The following GPRC5D variants were observed in gnomAD, a reference collection of about 807,000 sequenced individuals.
The protein encoded by GPRC5D is G protein-coupled receptor class C group 5 member D.
Under a neutral mutation model 29.3 loss-of-function variants are expected in GPRC5D, and 20 were observed. The observed-to-expected ratio is 0.68, with a 90% CI of 0.48 to 0.99. GPRC5D has a LOEUF of 0.99. GPRC5D is among the 50% of genes least tolerant of loss of function. The pLI is 0.00. For synonymous variants in GPRC5D, 178 were observed against 171.3 expected, an observed-to-expected ratio of 1.04 and a Z score of -0.30; for missense variants, 384 against 423.6, an observed-to-expected ratio of 0.91 and a Z score of 0.82.
chr12:12,944,837 CCTTCCT>C (rs1565477299), intron 1 of GPRC5D, among the ~76,000 whole-genome samples: 385 of 20,462 alleles, frequency 0.019, 51 homozygotes, highest in South Asian at 0.041. Context: ...TTCCTTCCTT[CCTTCCT>C]TCCTTCCTTC....
rs1565481040 is a variant in GPRC5D, at chr12:12,950,319, C to T, written c.66G>A (p.Trp22Ter). The T allele has an allele frequency of 6.2e-7, 1 of 1,612,910 alleles. No homozygotes were observed. The highest frequency in any genetic ancestry group is 1.1e-5 in the South Asian group (1 of 91,052). The change falls in exon 1 of 3, where the codon TGG becomes TGA. Residue 22 changes from tryptophan (W) to a stop codon, truncating the protein, a stop_gained. Coordinates refer to ENST00000228887, the Ensembl canonical transcript of GPRC5D. LOFTEE classifies it high-confidence loss of function. ...TGGCCAGGGACTCCAGAATGATGCCCCATGGCCCCTCGGCGTCACAGAGAA... is the reference window on the plus strand; with the variant it reads ...TGGCCAGGGACTCCAGAATGATGCCTCATGGCCCCTCGGCGTCACAGAGAA...
At chr12:12,950,428 C>T (rs1485770547), upstream of GPRC5D, 3 of 1,325,302 alleles carry the variant, frequency 2.3e-6, no homozygotes, top group Admixed American at 2.1e-5. Context: ...TTTTCTGATG[C>T]CCTGCAGAAA....
intron 1 of GPRC5D, chr12:12,948,701 T>C (rs1863414769): frequency 6.6e-6 from 1 of 152,262 alleles, no homozygotes; most frequent in African/African-American, 2.4e-5. Flanking sequence ...AATTAGCCAC[T>C]ATTTCCCCCA....
At position 12,942,924 on chromosome 12, in the gene GPRC5D, G is replaced by A. The variant is rs1592369841; in HGVS notation, c.896-596C>T. ...CTCTCAGTATTACCGTGTGGCCTTG[G>A]GCATCTCACTCTTTTCAACAGTCCC... is the stretch of plus-strand genomic sequence containing the variant. On this transcript the variant is annotated intron_variant, in intron 1 of 2. Coordinates refer to ENST00000228887, the Ensembl canonical transcript of GPRC5D. Among the ~76,000 whole-genome samples, 5 of 152,100 alleles carry A rather than the reference G, an allele frequency of 3.3e-5. No homozygotes were observed. The South Asian group carries it at 1.0e-3, about 32-fold the overall frequency.
At chr12:12,944,744 C>G (rs1863231217) in intron 1 of GPRC5D, among the ~76,000 whole-genome samples, 1 of 46,198 alleles carries the variant, frequency 2.2e-5, no homozygotes, top group East Asian at 6.6e-4. Flanking sequence ...CACCTTTCTT[C>G]CTTCCTTCCT....
exon 1 of GPRC5D, chr12:12,949,494 G>T: frequency 1.2e-6 from 2 of 1,612,312 alleles, no homozygotes; most frequent in Non-Finnish European, 1.7e-6. Context: ...ATGTACCTCT[G>T]GAGAGCTCCT....
chr12:12,946,450 CTCTCTT>C (rs1271644337), intron 1 of GPRC5D, among the ~76,000 whole-genome samples: 1 of 149,948 alleles, frequency 6.7e-6, no homozygotes, highest in African/African-American at 2.5e-5. Flanking sequence ...CTCTCTCTCT[CTCTCTT>C]TCTCTCTTTC....
intron 1 of GPRC5D, among the ~76,000 whole-genome samples, chr12:12,944,842 CTTCCTTCCTTCTTTCTTTCTTTCTTTCT>C (rs1863253358): frequency 6.5e-4 from 16 of 24,700 alleles, no homozygotes; most frequent in South Asian, 2.6e-3. Context: ...TCCTTCCTTC[CTTCCTTCCTTCTTTCTTTCTTTCTTTCT>C]TTCTTTCTTT....
upstream of GPRC5D, among the ~76,000 whole-genome samples, chr12:12,950,699 C>T (rs934923731): frequency 1.3e-5 from 2 of 151,398 alleles, no homozygotes; most frequent in Admixed American, 6.6e-5. Flanking sequence ...CTCAGCTACT[C>T]GGGAGGCTGA....
upstream of GPRC5D, chr12:12,950,488 T>A: frequency 2.5e-6 from 2 of 790,460 alleles, no homozygotes; most frequent in Non-Finnish European, 4.1e-6. Context: ...GGTGCAAAAG[T>A]AATTGTGCTT....
chr12:12,941,703 C>G (rs1863150287), intron 2 of GPRC5D, among the ~76,000 whole-genome samples: 1 of 152,206 alleles, frequency 6.6e-6, no homozygotes, highest in East Asian at 1.9e-4. Context: ...GAATTACCCC[C>G]AAACTACTCA....
intron 1 of GPRC5D, among the ~76,000 whole-genome samples, chr12:12,947,855 G>C (rs1156943441): frequency 6.6e-6 from 1 of 152,158 alleles, no homozygotes; most frequent in African/African-American, 2.4e-5. Context: ...ACAGAGCCCA[G>C]CCAATCTGTA....
chr12:12,945,509 A>T (rs74447099), intron 1 of GPRC5D, among the ~76,000 whole-genome samples: 2,163 of 152,250 alleles, frequency 0.014, 51 homozygotes, highest in African/African-American at 0.049. Context: ...TATTCTATTT[A>T]TTTATTTTGA....
At chr12:12,947,561 C>A (rs1187790716) in intron 1 of GPRC5D, among the ~76,000 whole-genome samples, 2 of 150,970 alleles carry the variant, frequency 1.3e-5, no homozygotes. Flanking sequence ...CCCTCCCTCC[C>A]TTCTTTCTTT....
intron 1 of GPRC5D, among the ~76,000 whole-genome samples, chr12:12,942,603 C>T (rs550025358): frequency 5.3e-5 from 8 of 152,260 alleles, no homozygotes; most frequent in East Asian, 1.9e-4. Flanking sequence ...GGCGTGGTGG[C>T]GTGCACCTGT....
At chr12:12,948,801 A>T (rs1863416779) in intron 1 of GPRC5D, among the ~76,000 whole-genome samples, 1 of 152,190 alleles carries the variant, frequency 6.6e-6, no homozygotes, top group Admixed American at 6.5e-5. Context: ...TCAAAATATG[A>T]CCCAGAAATT....
chr12:12,941,829 A>G (rs554021391), intron 2 of GPRC5D, among the ~76,000 whole-genome samples: 1 of 152,332 alleles, frequency 6.6e-6, no homozygotes, highest in Non-Finnish European at 1.5e-5. Context: ...TGCTGGAGCT[A>G]GACAGTGACT....
At chr12:12,945,219 G>A (rs1173120374) in intron 1 of GPRC5D, among the ~76,000 whole-genome samples, 2 of 151,898 alleles carry the variant, frequency 1.3e-5, no homozygotes, top group Non-Finnish European at 2.9e-5. Context: ...TGGCCAGGCC[G>A]ATCTTGAACT....
exon 1 of GPRC5D, chr12:12,950,139 G>A (rs370143091): frequency 3.7e-6 from 6 of 1,614,016 alleles, no homozygotes; most frequent in Non-Finnish European, 5.1e-6. Flanking sequence ...GATTGAGCTC[G>A]ATGATGAAGG....
Sources: gnomAD v4.1 joint callset for allele counts (sites outside exome capture counted in the v4.1 genomes callset) on GRCh38, gnomAD v4.1.1 for gene constraint, MANE v1.5 for transcripts, NCBI Gene and HGNC (gene_info 2026-07-23, HGNC 2026-07-21) for gene names.